The following DENND1B variants were observed in gnomAD, a reference collection of about 807,000 sequenced individuals.
DENND1B encodes DENN domain containing 1B.
In DENND1B, 59 loss-of-function variants were observed where a neutral mutation model predicts 90.1. The ratio of observed to expected loss-of-function variants is 0.65; its 90% CI spans 0.53 to 0.81. The LOEUF (loss-of-function observed/expected upper bound fraction) is 0.81. Among genes scored for constraint, DENND1B ranks in the 40% least tolerant of loss-of-function variants. The pLI is 0.00. For missense variants in DENND1B, 862 were observed against 912.6 expected (o/e 0.94, Z 0.71); for synonymous variants, 337 against 324.6 (o/e 1.04, Z -0.41).
chr1:197,539,047 A>G (rs1415882647), intron 20 of DENND1B, among the ~76,000 whole-genome samples: 2 of 152,176 alleles, frequency 1.3e-5, no homozygotes, highest in African/African-American at 4.8e-5. Flanking sequence ...AGCCTCAGGT[A>G]TTCTGGTACA....
intron 19 of DENND1B, 21 bp downstream of exon 19, chr1:197,540,938 A>G (rs1340525650): frequency 1.3e-6 from 2 of 1,592,544 alleles, no homozygotes; most frequent in Non-Finnish European, 1.7e-6. Context: ...GGTAAAATGG[A>G]AAAAAATGAA....
intron 10 of DENND1B, among the ~76,000 whole-genome samples, chr1:197,626,725 T>G (rs143851269): frequency 0.025 from 3,768 of 151,826 alleles, 155 homozygotes; most frequent in African/African-American, 0.086. Context: ...CTTCAAAAAA[T>G]TAATGAATCC....
At chr1:197,767,966 C>T (rs991780325) in intron 2 of DENND1B, among the ~76,000 whole-genome samples, 3 of 152,174 alleles carry the variant, frequency 2.0e-5, no homozygotes, top group Admixed American at 6.5e-5. Flanking sequence ...GACTACCCTG[C>T]GCAAGTTTCA....
chr1:197,739,173 C>T (rs1236780345), intron 2 of DENND1B, among the ~76,000 whole-genome samples: 3 of 152,190 alleles, frequency 2.0e-5, no homozygotes, highest in Non-Finnish European at 4.4e-5. Context: ...GTGGGAAAAC[C>T]TCATAATCAA....
chr1:197,758,960 ATTTTT>A (rs759108636), intron 2 of DENND1B, among the ~76,000 whole-genome samples: 20 of 97,836 alleles, frequency 2.0e-4, no homozygotes, highest in African/African-American at 7.0e-4. Context: ...TACTTCATTA[ATTTTT>A]TTTTTTTTTT....
intron 3 of DENND1B, among the ~76,000 whole-genome samples, chr1:197,707,635 A>C (rs866496433): frequency 6.8e-6 from 1 of 147,056 alleles, no homozygotes; most frequent in Non-Finnish European, 1.5e-5. Context: ...TAATACATAT[A>C]TTATATAATA....
At chr1:197,562,196 C>T (rs546973246) in intron 15 of DENND1B, among the ~76,000 whole-genome samples, 1 of 152,032 alleles carries the variant, frequency 6.6e-6, no homozygotes, top group South Asian at 2.1e-4. Flanking sequence ...TTCACAAAGT[C>T]AGAGATTGTC....
At position 197,558,793 on chromosome 1, in the gene DENND1B, C is replaced by T. The variant is rs996479313; in HGVS notation, c.1150-5681G>A. 2.6e-5 allele frequency among the ~76,000 whole-genome samples: 4 copies of T among 151,932 alleles called. No individual in the cohort carries two copies. The East Asian group carries it at 5.8e-4, about 22-fold the overall frequency. Reference sequence around the variant, plus strand: ...AAGTGTTTTTATCTTCCAATAGCCACCTAATACGACACTGAGTCAATTTAA... The same window carrying T: ...AAGTGTTTTTATCTTCCAATAGCCATCTAATACGACACTGAGTCAATTTAA... On this transcript the variant is annotated intron_variant, in intron 15 of 22. Coordinates refer to ENST00000620048, the MANE Select transcript of DENND1B (RefSeq NM_001195215.2).
At position 197,693,671 on chromosome 1, in the gene DENND1B, G is replaced by T. The variant is rs151183648; in HGVS notation, c.127-19502C>A. 8.4e-3 allele frequency among the ~76,000 whole-genome samples: 1,280 copies of T among 151,642 alleles called. 11 individuals carry two copies. Among genetic ancestry groups the T allele is most frequent in the South Asian group, 0.016 (77 of 4,818 alleles). On this transcript the variant is annotated intron_variant, in intron 3 of 22. Transcript: ENST00000620048. ...CAAAACATGGCAGCTGGGAATGAAA[G>T]ATTTCAAATTATCATTTTCACATCA...
chr1:197,577,371 C>T (rs1673776359), intron 15 of DENND1B, among the ~76,000 whole-genome samples: 2 of 152,200 alleles, frequency 1.3e-5, no homozygotes, highest in South Asian at 4.2e-4. Context: ...TCAGTGAGCT[C>T]ATACAGCCAC....
rs139349862 is a variant in DENND1B, at chr1:197,731,120, G to A, written c.83-16046C>T. ...ACTTTATTCTGGTAACTTCTTGAGA[G>A]TATTTACATCACAACTTGTAAGAAA... On this transcript the variant is annotated intron_variant, in intron 2 of 22. Coordinates refer to ENST00000620048, the MANE Select transcript of DENND1B (RefSeq NM_001195215.2). 2.3e-4 allele frequency among the ~76,000 whole-genome samples: 35 copies of A among 152,220 alleles called. 2 individuals carry two copies. In the East Asian group the frequency reaches 6.8e-3, roughly 29 times the overall value.
chr1:197,541,054 TC>T (rs1208027104), intron 18 of DENND1B, 39 bp from the exon 19 acceptor site: 2 of 1,559,340 alleles, frequency 1.3e-6, no homozygotes, highest in African/African-American at 2.7e-5. Flanking sequence ...TCAGGATGGT[TC>T]CATTACCATT....
intron 2 of DENND1B, among the ~76,000 whole-genome samples, chr1:197,766,665 C>T (rs182130049): frequency 6.6e-6 from 1 of 152,290 alleles, no homozygotes; most frequent in East Asian, 1.9e-4. Context: ...ACTTCTATTT[C>T]TAATGCCCCT....
intron 3 of DENND1B, among the ~76,000 whole-genome samples, chr1:197,686,860 A>C (rs1241187487): frequency 6.6e-6 from 1 of 151,942 alleles, no homozygotes; most frequent in Non-Finnish European, 1.5e-5. Flanking sequence ...TCTCACTGCT[A>C]TACACAACTG....
chr1:197,625,426 T>G (rs1351802100), intron 10 of DENND1B, among the ~76,000 whole-genome samples: 1 of 142,654 alleles, frequency 7.0e-6, no homozygotes, highest in African/African-American at 2.6e-5. Context: ...GCTTCATAAG[T>G]GAAGGAAAAA....
chr1:197,612,458 T>G (rs1019340481), intron 11 of DENND1B, among the ~76,000 whole-genome samples: 1 of 150,576 alleles, frequency 6.6e-6, no homozygotes. Context: ...TCACCAAATA[T>G]TTGGATCAGA....
chr1:197,675,246 T>C (rs1247160698), intron 3 of DENND1B, among the ~76,000 whole-genome samples: 2 of 152,160 alleles, frequency 1.3e-5, no homozygotes, highest in East Asian at 3.9e-4. Context: ...ACAGAAGTCA[T>C]CAATATCTGA....
intron 13 of DENND1B, among the ~76,000 whole-genome samples, chr1:197,600,903 C>A (rs1352503312): frequency 6.6e-6 from 1 of 151,644 alleles, no homozygotes; most frequent in African/African-American, 2.4e-5. Context: ...TACTATTAAG[C>A]TGGAGAAGAA....
rs1667813694 is a variant in DENND1B at position 197,508,174 on chromosome 1, G to A, written c.*2286C>T. On this transcript the variant is annotated 3_prime_UTR_variant, in exon 23 of 23. Transcript: ENST00000620048. ...CACTCACAGTTGTTTTTCAGACTGA[G>A]TTCTGAAAAAAACAAACAAAAAACC... is the stretch of plus-strand genomic sequence containing the variant. The A allele has an allele frequency of 6.6e-6, 1 of 151,392 alleles. No homozygotes were observed. The highest frequency in any genetic ancestry group is 1.5e-5 in the Non-Finnish European group (1 of 67,670). 9.4% of individuals were successfully genotyped at this position (151,392 alleles called of 1,614,324 possible).
Sources: allele counts gnomAD v4.1 joint callset (sites outside exome capture counted in the v4.1 genomes callset), GRCh38; gene constraint gnomAD v4.1.1; transcripts MANE v1.5; gene names NCBI Gene and HGNC (gene_info 2026-07-23, HGNC 2026-07-21).